Variants in ABLIM1 observed in about 807,000 individuals in gnomAD.
The protein encoded by ABLIM1 is actin binding LIM protein 1.
ABLIM1 carries 40 observed loss-of-function variants against 107.0 expected under a neutral mutation model. The observed-to-expected ratio is 0.37, with a 90% CI of 0.29 to 0.49. ABLIM1 has a LOEUF of 0.49. ABLIM1 is among the 20% of genes least tolerant of loss of function. ABLIM1 has a pLI of 0.97. For missense variants in ABLIM1, 857 were observed against 1,008.5 expected (o/e 0.85, Z 2.04); for synonymous variants, 357 against 357.3 (o/e 1.00, Z 0.01).
intron 1 of ABLIM1, among the ~76,000 whole-genome samples, chr10:114,691,633 A>G (rs1345939597): frequency 1.3e-5 from 2 of 152,220 alleles, no homozygotes; most frequent in African/African-American, 4.8e-5. Context: ...GTAATGATAA[A>G]GTCTAAAAGG....
At chr10:114,570,729 C>G (rs1053672115) in intron 4 of ABLIM1, among the ~76,000 whole-genome samples, 7 of 151,430 alleles carry the variant, frequency 4.6e-5, no homozygotes, top group African/African-American at 1.7e-4. Context: ...CCATCTCAGC[C>G]TCCCAAGTGG....
At chr10:114,475,954 T>C (rs2056321197) in intron 8 of ABLIM1, among the ~76,000 whole-genome samples, 1 of 152,216 alleles carries the variant, frequency 6.6e-6, no homozygotes, top group South Asian at 2.1e-4. Context: ...TATTGGTGTT[T>C]AATACCTTGA....
Position 114,586,403 on chromosome 10 carries a change from G to A in ABLIM1, c.380-10804C>T, listed in dbSNP as rs187969020. On this transcript the variant is annotated intron_variant, in intron 2 of 22. Coordinates refer to ENST00000533213, the MANE Select transcript of ABLIM1 (RefSeq NM_002313.7). Reference sequence around the variant, plus strand: ...AGGTGAATGAGAAGAAACTAGAATGGGATCACAGGGTAACAACAGGAATAA... The same window carrying A: ...AGGTGAATGAGAAGAAACTAGAATGAGATCACAGGGTAACAACAGGAATAA... Among the ~76,000 whole-genome samples the A allele has an allele frequency of 6.6e-5, 10 of 152,250 alleles. No homozygotes were observed. The East Asian group carries it at 1.9e-3, about 29-fold the overall frequency.
intron 8 of ABLIM1, among the ~76,000 whole-genome samples, chr10:114,484,819 T>C (rs1382671109): frequency 6.6e-6 from 1 of 152,186 alleles, no homozygotes; most frequent in African/African-American, 2.4e-5. Flanking sequence ...CCTCCAAAAA[T>C]CAACTCCAAG....
chr10:114,788,345 A>AAAATAAAT, the ABLIM1 span, among the ~76,000 whole-genome samples: 9 of 111,026 alleles, frequency 8.1e-5, no homozygotes, highest in South Asian at 2.9e-4. Context: ...AAAAAAAAAA[A>AAAATAAAT]AAATAAATAA....
chr10:114,539,912 C>G (rs750927556), intron 6 of ABLIM1, among the ~76,000 whole-genome samples: 2 of 151,986 alleles, frequency 1.3e-5, no homozygotes, highest in Non-Finnish European at 2.9e-5. Context: ...GAGAAGGAAG[C>G]GGGAGAAGTT....
chr10:114,739,187 T>A (rs185015242), intron 1 of ABLIM1, among the ~76,000 whole-genome samples: 1 of 152,268 alleles, frequency 6.6e-6, no homozygotes, highest in Non-Finnish European at 1.5e-5. Context: ...TAGTTTCCGA[T>A]GTTTACAAAT....
chr10:114,584,206 C>T (rs2073942949), intron 2 of ABLIM1, among the ~76,000 whole-genome samples: 1 of 152,062 alleles, frequency 6.6e-6, no homozygotes, highest in South Asian at 2.1e-4. Context: ...CTGCACCTTC[C>T]TAGGCTGTCA....
intron 6 of ABLIM1, among the ~76,000 whole-genome samples, chr10:114,504,944 G>A (rs925468125): frequency 6.6e-6 from 1 of 152,096 alleles, no homozygotes; most frequent in Non-Finnish European, 1.5e-5. Flanking sequence ...CATATGACAT[G>A]GAGAGAGGAT....
chr10:114,516,938 G>A (rs1350620915), intron 6 of ABLIM1, among the ~76,000 whole-genome samples: 1 of 152,104 alleles, frequency 6.6e-6, no homozygotes, highest in Admixed American at 6.5e-5. Context: ...GTTCTGGCTG[G>A]TGCTTTTCTG....
chr10:114,479,137 G>T (rs73353703), intron 8 of ABLIM1, among the ~76,000 whole-genome samples: 3 of 151,918 alleles, frequency 2.0e-5, no homozygotes, highest in African/African-American at 7.3e-5. Context: ...TGTACAGAAC[G>T]CAGCAAGGTG....
chr10:114,639,505 T>C (rs2078639143), intron 1 of ABLIM1, among the ~76,000 whole-genome samples: 1 of 152,204 alleles, frequency 6.6e-6, no homozygotes, highest in Non-Finnish European at 1.5e-5. Context: ...GTTTGAATTC[T>C]AGCTCCACCA....
At chr10:114,700,126 G>A (rs143510996) in intron 1 of ABLIM1, among the ~76,000 whole-genome samples, 3,444 of 152,152 alleles carry the variant, frequency 0.023, 68 homozygotes, top group Middle Eastern at 0.041. Flanking sequence ...TTCTACCAAA[G>A]AAGTCTAACA....
intron 1 of ABLIM1, among the ~76,000 whole-genome samples, chr10:114,675,398 G>T (rs1423601277): frequency 1.3e-5 from 2 of 152,138 alleles, no homozygotes; most frequent in Non-Finnish European, 2.9e-5. Context: ...AGTCTCACAA[G>T]ATCTGATGGT....
intron 6 of ABLIM1, among the ~76,000 whole-genome samples, chr10:114,517,112 C>A (rs1398654260): frequency 6.6e-6 from 1 of 152,180 alleles, no homozygotes; most frequent in South Asian, 2.1e-4. Context: ...AGAGCAAGCA[C>A]TCCGATTTTT....
chr10:114,574,544 A>C (rs1212674756), intron 3 of ABLIM1, among the ~76,000 whole-genome samples: 1 of 151,916 alleles, frequency 6.6e-6, no homozygotes, highest in Non-Finnish European at 1.5e-5. Flanking sequence ...GGTTCAAGCC[A>C]TTCTCCTGCC....
At chr10:114,715,736 C>T (rs2081646535) in intron 1 of ABLIM1, among the ~76,000 whole-genome samples, 1 of 152,080 alleles carries the variant, frequency 6.6e-6, no homozygotes, top group Admixed American at 6.6e-5. Flanking sequence ...ATACTTAATA[C>T]ATAGAGCGTT....
chr10:114,723,650 C>T (rs987563470), intron 1 of ABLIM1, among the ~76,000 whole-genome samples: 15 of 152,216 alleles, frequency 9.9e-5, no homozygotes, highest in South Asian at 2.1e-4. Context: ...TTTTGCAGCC[C>T]GCCTGACATG....
At chr10:114,536,810 G>A (rs1162105831) in intron 6 of ABLIM1, among the ~76,000 whole-genome samples, 3 of 152,126 alleles carry the variant, frequency 2.0e-5, no homozygotes, top group Non-Finnish European at 4.4e-5. Flanking sequence ...CGAGACCAGA[G>A]CTTCATGAAG....
Sources: allele counts gnomAD v4.1 joint callset (sites outside exome capture counted in the v4.1 genomes callset), GRCh38; gene constraint gnomAD v4.1.1; transcripts MANE v1.5; gene names NCBI Gene and HGNC (gene_info 2026-07-23, HGNC 2026-07-21).